Variants in VAV2 observed in about 807,000 individuals in gnomAD.
The protein encoded by VAV2 is guanine nucleotide exchange factor VAV2.
In VAV2, 67 loss-of-function variants were observed where a neutral mutation model predicts 132.5. That is an observed-to-expected ratio of 0.51 (90% CI 0.42 to 0.62). VAV2 has a LOEUF of 0.62. VAV2 is among the 20% of genes least tolerant of loss of function. The pLI is 0.00. For missense variants in VAV2, 938 were observed against 1,153.6 expected, an observed-to-expected ratio of 0.81 and a Z score of 2.71; for synonymous variants, 492 against 443.5, an observed-to-expected ratio of 1.11 and a Z score of -1.37.
intron 13 of VAV2, among the ~76,000 whole-genome samples, chr9:133,790,269 C>G (rs564004871): frequency 1.3e-5 from 2 of 152,182 alleles, no homozygotes; most frequent in African/African-American, 4.8e-5. Context: ...CTCTGCCTCC[C>G]GGGTTCAAGA....
rs766757391 is a variant in VAV2, at chr9:133,769,400, C to A, written c.2434+17G>T. On this transcript the variant is annotated intron_variant, in intron 28 of 29. Transcript: ENST00000371850. This position sits in a 1 kb window ranked among gnomAD's most constrained non-coding sequence, Gnocchi z 8.1. ...GCCACAGGCCCGGTCCCCCCACGCC[C>A]TGGGGAGCAGCGGTACCTGACCAGA... 1.2e-6 allele frequency: 2 copies of A among 1,605,184 alleles called. No homozygotes were observed. Among genetic ancestry groups the A allele is most frequent in the Non-Finnish European group, 1.7e-6 (2 of 1,176,330 alleles).
chr9:133,899,606 C>T (rs57001712), intron 2 of VAV2, among the ~76,000 whole-genome samples: 35,082 of 150,258 alleles, frequency 0.23, 4,282 homozygotes, highest in African/African-American at 0.29. Context: ...GACCGCGTTT[C>T]ACCACGTTGA....
Position 133,964,022 on chromosome 9 carries a change from C to CATATGTACAT in VAV2, c.205-24804_205-24803insATGTACATAT, listed in dbSNP as rs1217468550. On this transcript the variant is annotated intron_variant, in intron 1 of 29. Transcript: ENST00000371850. ...TAAACTTTAAAAAAAATTATTCATT[C>CATATGTACAT]ATATATATATATATATATATATATA... Among the ~76,000 whole-genome samples, 412 of 93,820 alleles carry CATATGTACAT rather than the reference C, an allele frequency of 4.4e-3. 33 individuals carry two copies. The highest frequency in any genetic ancestry group is 8.3e-3 in the South Asian group (20 of 2,422). 61.5% of individuals were successfully genotyped at this position (93,820 alleles called of 152,430 possible).
intron 1 of VAV2, among the ~76,000 whole-genome samples, chr9:133,989,348 AAAAAAAC>A (rs1215438459): frequency 7.8e-4 from 117 of 150,810 alleles, no homozygotes; most frequent in African/African-American, 2.8e-3. Context: ...TCAAAAAAAA[AAAAAAAC>A]AAAAAATACA....
intron 3 of VAV2, among the ~76,000 whole-genome samples, chr9:133,859,434 C>T (rs182802682): frequency 6.6e-5 from 10 of 152,284 alleles, no homozygotes; most frequent in East Asian, 5.8e-4. Flanking sequence ...AATGCCAAGC[C>T]GGGCCAATTG....
At chr9:133,838,874 G>A (rs1018183166) in intron 3 of VAV2, among the ~76,000 whole-genome samples, 5 of 126,268 alleles carry the variant, frequency 4.0e-5, no homozygotes, top group Non-Finnish European at 8.4e-5. Context: ...TGGGTGGATG[G>A]ATAGATGGGT....
chr9:133,952,778 A>T (rs984195549), intron 1 of VAV2, among the ~76,000 whole-genome samples: 1 of 152,194 alleles, frequency 6.6e-6, no homozygotes, highest in Non-Finnish European at 1.5e-5. Flanking sequence ...GGCCACCAGA[A>T]TCTTGAAAAG....
At chr9:133,979,530 G>A (rs1024065479) in intron 1 of VAV2, among the ~76,000 whole-genome samples, 3 of 152,204 alleles carry the variant, frequency 2.0e-5, no homozygotes, top group African/African-American at 7.2e-5. Flanking sequence ...CTCGGACAGA[G>A]GATGTTGACA....
At chr9:133,853,646 T>C (rs943784587) in intron 3 of VAV2, among the ~76,000 whole-genome samples, 2 of 151,778 alleles carry the variant, frequency 1.3e-5, no homozygotes, top group Non-Finnish European at 2.9e-5. Flanking sequence ...CCAAAGCGCT[T>C]CCCCACCCAG....
chr9:133,950,203 C>G (rs1376880976), intron 1 of VAV2, among the ~76,000 whole-genome samples: 2 of 152,230 alleles, frequency 1.3e-5, no homozygotes, highest in Non-Finnish European at 2.9e-5. Flanking sequence ...CCCTCTCCAT[C>G]CTGACGGTCA....
rs568629451 is a variant in VAV2 at position 133,941,091 on chromosome 9, C to T, written c.205-1872G>A. 9.2e-5 allele frequency among the ~76,000 whole-genome samples: 14 copies of T among 152,188 alleles called. No individual in the cohort carries two copies. In the South Asian group the frequency reaches 2.9e-3, roughly 32 times the overall value. ...CGTCCAATAGGGCAGCCACTAGACA[C>T]CTGTGCCCACCAAACACTCAAATGT... On this transcript the variant is annotated intron_variant, in intron 1 of 29. Coordinates refer to ENST00000371850, the MANE Select transcript of VAV2 (RefSeq NM_001134398.2).
At chr9:133,862,325 G>T (rs1837629154) in intron 2 of VAV2, among the ~76,000 whole-genome samples, 1 of 152,262 alleles carries the variant, frequency 6.6e-6, no homozygotes, top group East Asian at 1.9e-4. Flanking sequence ...GGGACAGGGA[G>T]CTGGCTGGCC....
At chr9:133,853,146 C>T (rs530999018) in intron 3 of VAV2, among the ~76,000 whole-genome samples, 1 of 152,354 alleles carries the variant, frequency 6.6e-6, no homozygotes, top group East Asian at 1.9e-4. Context: ...GGTTCAAAGC[C>T]TTCTCCGTGG....
In VAV2 at chr9:133,826,711, C is replaced by A. The variant is rs146032939; in HGVS notation, c.449+7561G>T. Among the ~76,000 whole-genome samples, 159 of 152,298 alleles carry A rather than the reference C, an allele frequency of 1.0e-3. 1 individual carries two copies. Among genetic ancestry groups the A allele is most frequent in the Non-Finnish European group, 1.7e-3 (113 of 68,024 alleles). The stretch of plus-strand genomic sequence containing the variant: ...TCTCATGTCCATGTCCTTCCTTTGG[C>A]CTCTCTTCTGCCCTGAGTGGGAGCT... On this transcript the variant is annotated intron_variant, in intron 4 of 29. Coordinates refer to ENST00000371850, the MANE Select transcript of VAV2 (RefSeq NM_001134398.2). This position sits in a 1 kb window ranked among gnomAD's most constrained non-coding sequence, Gnocchi z 4.2.
rs186379179 is a variant in VAV2, at chr9:133,858,575, C to A, written c.380+2799G>T. On this transcript the variant is annotated intron_variant, in intron 3 of 29. Transcript: ENST00000371850. ...GTGAATCTGAGAACCTGAGGATGGT[C>A]TTGGGGACCCCACACACACCCTGCT... is the stretch of plus-strand genomic sequence containing the variant. Among the ~76,000 whole-genome samples, 55 of 152,294 alleles carry A rather than the reference C, an allele frequency of 3.6e-4. 1 individual carries two copies. Among genetic ancestry groups the A allele is most frequent in the Admixed American group, 3.4e-3 (52 of 15,300 alleles).
At chr9:133,967,829 A>C (rs1389160176) in intron 1 of VAV2, among the ~76,000 whole-genome samples, 1 of 146,970 alleles carries the variant, frequency 6.8e-6, no homozygotes, top group Non-Finnish European at 1.5e-5. Flanking sequence ...GCTACTCAGG[A>C]GGCTGAGGCA....
intron 9 of VAV2, among the ~76,000 whole-genome samples, chr9:133,800,332 G>A (rs1171572787): frequency 6.6e-6 from 1 of 152,250 alleles, no homozygotes; most frequent in African/African-American, 2.4e-5. Context: ...AGGGCAGGTG[G>A]TGAACCTCAA....
rs2131630430 is a variant in VAV2, at chr9:133,794,332, T to C, written c.1101+1336A>G. On this transcript the variant is annotated intron_variant, in intron 12 of 29. Transcript: ENST00000371850. This position sits in a 1 kb window ranked among gnomAD's most constrained non-coding sequence, Gnocchi z 4.6. ...GGCTTTCCTGGAGCATTCCTCAGGG[T>C]GCTCGCTGCCCAGTGCAGCCGAGCG... Among the ~76,000 whole-genome samples the C allele has an allele frequency of 6.6e-6, 1 of 151,788 alleles. No individual in the cohort carries two copies. Among genetic ancestry groups the C allele is most frequent in the Non-Finnish European group, 1.5e-5 (1 of 67,960 alleles).
chr9:133,876,812 T>C (rs1335955655), intron 2 of VAV2, among the ~76,000 whole-genome samples: 1 of 152,152 alleles, frequency 6.6e-6, no homozygotes, highest in Non-Finnish European at 1.5e-5. Context: ...CAAGGCTGCC[T>C]GGGTGCAGGG....
Sources: gnomAD v4.1 joint callset for allele counts (sites outside exome capture counted in the v4.1 genomes callset) on GRCh38, gnomAD v4.1.1 for gene constraint, Gnocchi (gnomAD v3.1) non-coding constraint, MANE v1.5 for transcripts, NCBI Gene and HGNC (gene_info 2026-07-23, HGNC 2026-07-21) for gene names.